The following USH2A variants were observed in gnomAD, a reference collection of about 807,000 sequenced individuals.
USH2A encodes usherin, also known as Usher syndrome 2A (autosomal recessive, mild).
In USH2A, 443 loss-of-function variants were observed where a neutral mutation model predicts 538.9. The observed-to-expected ratio is 0.82, with a 90% confidence interval of 0.76 to 0.89. The LOEUF (loss-of-function observed/expected upper bound fraction) is 0.89. USH2A is among the 40% of genes least tolerant of loss of function. The probability of loss-of-function intolerance (pLI) is 0.00; values close to 1 mark genes in which losing one functional copy is unlikely to be tolerated. For missense variants in USH2A, 6,633 were observed against 6,324.8 expected (o/e 1.05, Z -1.65); for synonymous variants, 2,413 against 2,273.5 (o/e 1.06, Z -1.75).
chr1:216,378,324 T>A (rs1262441694), intron 3 of USH2A, among the ~76,000 whole-genome samples: 1 of 152,164 alleles, frequency 6.6e-6, no homozygotes, highest in Non-Finnish European at 1.5e-5. Flanking sequence ...GTACTTTACA[T>A]CTCCTAAGAC....
At chr1:215,698,301 T>C (rs1196800405) in intron 61 of USH2A, among the ~76,000 whole-genome samples, 1 of 152,220 alleles carries the variant, frequency 6.6e-6, no homozygotes, top group African/African-American at 2.4e-5. Flanking sequence ...CATGTGTCTT[T>C]ATACTAGAAT....
chr1:216,359,468 C>T (rs1378029371), intron 4 of USH2A, among the ~76,000 whole-genome samples: 2 of 151,994 alleles, frequency 1.3e-5, no homozygotes, highest in African/African-American at 4.8e-5. Context: ...ATATTTTGAT[C>T]AAAGAAGCAC....
intron 40 of USH2A, among the ~76,000 whole-genome samples, chr1:215,899,774 C>T (rs992736519): frequency 1.3e-5 from 2 of 152,122 alleles, no homozygotes; most frequent in Non-Finnish European, 2.9e-5. Flanking sequence ...CAGAAGATGA[C>T]AACCTTTCTC....
At chr1:216,070,755 T>G (rs1196332098) in intron 29 of USH2A, among the ~76,000 whole-genome samples, 1 of 150,972 alleles carries the variant, frequency 6.6e-6, no homozygotes, top group Non-Finnish European at 1.5e-5. Context: ...CTTGAATGCC[T>G]AGACCCATTT....
intron 21 of USH2A, among the ~76,000 whole-genome samples, chr1:216,117,443 T>G (rs922833443): frequency 6.6e-6 from 1 of 152,184 alleles, no homozygotes; most frequent in Non-Finnish European, 1.5e-5. Context: ...TTAATTTCAT[T>G]TTCCTTAGTT....
rs41277204 is a variant in USH2A, at chr1:215,900,970, G to A, written c.7301-65C>T. ...TGGAGAACATATGCTGGATGGAATC[G>A]AAATGCTCCATATACTGGAAAAACT... On this transcript the variant is annotated intron_variant, in intron 38 of 71. Transcript: ENST00000307340. 19,681 of 1,596,574 alleles carry A rather than the reference G, an allele frequency of 0.012. 196 individuals are homozygous for A. Among genetic ancestry groups the A allele is most frequent in the Middle Eastern group, 0.02 (102 of 4,996 alleles).
chr1:216,137,229 T>C (rs2102607445), intron 21 of USH2A, among the ~76,000 whole-genome samples: 1 of 152,234 alleles, frequency 6.6e-6, no homozygotes, highest in South Asian at 2.1e-4. Flanking sequence ...CATTTGGAGA[T>C]GGAACAGTGC....
At chr1:215,941,840 T>A (rs1484719592) in intron 37 of USH2A, among the ~76,000 whole-genome samples, 1 of 152,140 alleles carries the variant, frequency 6.6e-6, no homozygotes, top group Non-Finnish European at 1.5e-5. Flanking sequence ...GGGGTCTGGA[T>A]GAGAATGATA....
At chr1:216,180,814 G>A (rs150889695) in intron 20 of USH2A, among the ~76,000 whole-genome samples, 16 of 152,048 alleles carry the variant, frequency 1.1e-4, no homozygotes, top group East Asian at 7.8e-4. Context: ...TGACTTTTTC[G>A]CAGAAATGCA....
chr1:216,102,304 C>T (rs2032601365), intron 21 of USH2A, among the ~76,000 whole-genome samples: 1 of 150,884 alleles, frequency 6.6e-6, no homozygotes, highest in South Asian at 2.1e-4. Context: ...CAAAGTGTAG[C>T]CAAATATGTG....
intron 35 of USH2A, among the ~76,000 whole-genome samples, chr1:215,976,169 C>T (rs757854991): frequency 1.2e-4 from 18 of 152,140 alleles, no homozygotes; most frequent in African/African-American, 3.9e-4. Context: ...ATTTAGTATC[C>T]TAAAACTTTA....
intron 30 of USH2A, among the ~76,000 whole-genome samples, chr1:216,051,327 T>G (rs2030777563): frequency 6.6e-6 from 1 of 152,224 alleles, no homozygotes; most frequent in African/African-American, 2.4e-5. Context: ...TTCTAAATAA[T>G]TATGTAAGCT....
intron 61 of USH2A, among the ~76,000 whole-genome samples, chr1:215,717,769 C>G (rs1659526881): frequency 6.6e-6 from 1 of 152,094 alleles, no homozygotes; most frequent in Non-Finnish European, 1.5e-5. Context: ...TTCATATATT[C>G]ATGAGACTAC....
chr1:215,844,390 A>G lies in USH2A; in HGVS notation c.9162T>C (p.Ser3054=). ...SNPNGVVTEY[S]IYVNNKLYKT... ...TGTAGAGCTTATTATTTACATAGAT[A>G]GAATACTCAGTGACAACACCATTTG... Residue 3054 remains serine (S), a synonymous_variant, in exon 46 of 72, where the codon TCT becomes TCC. Coordinates refer to ENST00000307340, the MANE Select transcript of USH2A (RefSeq NM_206933.4). 6.2e-7 allele frequency: 1 copy of G among 1,613,796 alleles called. No homozygotes were observed. The highest frequency in any genetic ancestry group is 1.1e-5 in the South Asian group (1 of 91,084).
intron 22 of USH2A, among the ~76,000 whole-genome samples, chr1:216,095,864 T>C (rs1387237571): frequency 2.6e-5 from 4 of 152,200 alleles, no homozygotes; most frequent in Non-Finnish European, 5.9e-5. Context: ...ACTCAGTCCA[T>C]GATCCTAGAC....
chr1:215,676,641 C>T (rs972346529), intron 62 of USH2A, among the ~76,000 whole-genome samples: 10 of 152,076 alleles, frequency 6.6e-5, no homozygotes, highest in African/African-American at 2.4e-4. Flanking sequence ...AGTTTGGAAA[C>T]CTCTTTATGT....
At chr1:216,398,105 C>T (rs994879681) in intron 3 of USH2A, among the ~76,000 whole-genome samples, 1 of 152,174 alleles carries the variant, frequency 6.6e-6, no homozygotes, top group Non-Finnish European at 1.5e-5. Context: ...ACTTTAAATA[C>T]AATAAGGAGC....
At chr1:216,280,467 A>T (rs1243495594) in intron 11 of USH2A, among the ~76,000 whole-genome samples, 1 of 152,092 alleles carries the variant, frequency 6.6e-6, no homozygotes, top group African/African-American at 2.4e-5. Context: ...TATCCTACTC[A>T]ATTTATACAG....
At chr1:216,194,383 G>A (rs917299131) in intron 19 of USH2A, among the ~76,000 whole-genome samples, 2 of 152,090 alleles carry the variant, frequency 1.3e-5, no homozygotes, top group African/African-American at 4.8e-5. Context: ...GTAATTATAA[G>A]GACAATGCAT....
Sources: gnomAD v4.1 joint callset for allele counts (sites outside exome capture counted in the v4.1 genomes callset) on GRCh38, gnomAD v4.1.1 for gene constraint, MANE v1.5 for transcripts, NCBI Gene and HGNC (gene_info 2026-07-23, HGNC 2026-07-21) for gene names.